DOCK8: variants seen among roughly 807,000 people sequenced by gnomAD.
DOCK8 encodes dedicator of cytokinesis 8.
In DOCK8, 141 loss-of-function variants were observed where a neutral mutation model predicts 245.6. The ratio of observed to expected loss-of-function variants is 0.57; its 90% CI spans 0.50 to 0.66. DOCK8 has a LOEUF of 0.66. DOCK8 is among the 30% of genes least tolerant of loss of function. DOCK8 has a pLI of 0.00. For missense variants in DOCK8, 2,965 were observed against 2,603.4 expected, an observed-to-expected ratio of 1.14 and a Z score of -3.02; for synonymous variants, 1,168 against 970.2, an observed-to-expected ratio of 1.20 and a Z score of -3.79.
rs7031188 is a variant in DOCK8, at chr9:446,198, G to C, written c.5581-172G>C. 3.6e-3 allele frequency among the ~76,000 whole-genome samples: 548 copies of C among 152,302 alleles called. 2 individuals are homozygous for C. Among genetic ancestry groups the C allele is most frequent in the African/African-American group, 0.013 (523 of 41,576 alleles). ...CCTCCTTGCAGCCCCTTCTGTCCTT[G>C]GGGGTGGAGAGGAGGAACTTCTGCT... On this transcript the variant is annotated intron_variant, in intron 43 of 47. Coordinates refer to ENST00000432829, the MANE Select transcript of DOCK8 (RefSeq NM_203447.4).
At chr9:360,275 C>T (rs1005495564) in intron 14 of DOCK8, among the ~76,000 whole-genome samples, 3 of 150,664 alleles carry the variant, frequency 2.0e-5, no homozygotes, top group Non-Finnish European at 2.9e-5. Flanking sequence ...GAGATCATGC[C>T]ACTGCACTCC....
intron 8 of DOCK8, among the ~76,000 whole-genome samples, chr9:327,216 A>G (rs1263914353): frequency 5.9e-5 from 9 of 152,020 alleles, no homozygotes; most frequent in African/African-American, 1.9e-4. Flanking sequence ...ACCCCTGCCT[A>G]TCAGAATCTT....
intron 1 of DOCK8, among the ~76,000 whole-genome samples, chr9:243,423 G>A (rs1450912040): frequency 6.6e-6 from 1 of 152,168 alleles, no homozygotes; most frequent in African/African-American, 2.4e-5. Flanking sequence ...GTGCGCTGCT[G>A]ATCAGACTTG....
chr9:428,412 G>A lies in DOCK8; in HGVS notation c.4389G>A (p.Arg1463=), dbSNP rs755620505. 1 of 1,614,158 alleles carries A rather than the reference G, an allele frequency of 6.2e-7. No homozygotes were observed. The highest frequency in any genetic ancestry group is 1.1e-5 in the South Asian group (1 of 91,082). The part of the protein sequence containing the change: ...CKDSLLGGVL[R]VLVNSLNCDQ... ...ACAGCCTGCTGGGAGGTGTTCTGAG[G>A]GTGCTGGTGAATTCTCTGAACTGTG... The change falls in exon 35 of 48, where the codon AGG becomes AGA. Residue 1463 remains arginine, a synonymous_variant. Transcript: ENST00000432829.
At chr9:235,623 C>T (rs2047225942) in intron 1 of DOCK8, among the ~76,000 whole-genome samples, 1 of 152,226 alleles carries the variant, frequency 6.6e-6, no homozygotes, top group East Asian at 1.9e-4. Flanking sequence ...CTCCCCAAGC[C>T]TCGCTGCCGC....
chr9:219,641 A>G (rs1316862711), intron 1 of DOCK8, among the ~76,000 whole-genome samples: 1 of 152,188 alleles, frequency 6.6e-6, no homozygotes, highest in East Asian at 1.9e-4. Flanking sequence ...TCACACCTGT[A>G]ACCCTAGCAC....
intron 15 of DOCK8, chr9:369,469 GC>G (rs1442779797): frequency 2.6e-5 from 4 of 152,350 alleles, no homozygotes; most frequent in African/African-American, 9.6e-5. Context: ...TGTTCATAAT[GC>G]ATCCTAAATG....
chr9:351,457 G>T (rs545908875), intron 14 of DOCK8, among the ~76,000 whole-genome samples: 2 of 152,346 alleles, frequency 1.3e-5, no homozygotes, highest in African/African-American at 4.8e-5. Context: ...GATTCTTTCA[G>T]ATGCCACAAA....
intron 20 of DOCK8, 114 bp from the exon 21 acceptor site, chr9:379,657 C>A: frequency 8.7e-7 from 1 of 1,154,648 alleles, no homozygotes; most frequent in Non-Finnish European, 1.3e-6. Context: ...CCTTCCCAGG[C>A]CTAGTTAAAT....
intron 12 of DOCK8, among the ~76,000 whole-genome samples, 176 bp downstream of exon 12, chr9:336,894 G>A (rs1023640364): frequency 1.3e-5 from 2 of 152,116 alleles, no homozygotes; most frequent in African/African-American, 4.8e-5. Context: ...AAAAAGAAAA[G>A]GGATTTGTTT....
intron 14 of DOCK8, among the ~76,000 whole-genome samples, chr9:360,089 G>A (rs1341063380): frequency 6.6e-6 from 1 of 152,014 alleles, no homozygotes; most frequent in Admixed American, 6.5e-5. Flanking sequence ...GCCGAGGCGG[G>A]CGGATCACTT....
chr9:332,618 G>T, intron 10 of DOCK8, 140 bp downstream of exon 10: 3 of 315,646 alleles, frequency 9.5e-6, no homozygotes, highest in Non-Finnish European at 1.8e-5. Context: ...TTAAATAAAA[G>T]AGGAAAAGAA....
chr9:334,387 A>C lies in DOCK8; in HGVS notation c.1285+3A>C. The C allele has an allele frequency of 6.2e-7, 1 of 1,612,038 alleles. No individual in the cohort carries two copies. Among genetic ancestry groups the C allele is most frequent in the Non-Finnish European group, 8.5e-7 (1 of 1,178,406 alleles). ...AACTGATGTGGACTCTGTGGTTGGT[A>C]AGATTTTCACCTGCAGTGGGAAAGG... is the stretch of plus-strand genomic sequence containing the variant. On this transcript the variant is annotated splice_donor_region_variant and intron_variant, in intron 11 of 47. Coordinates refer to ENST00000432829, the MANE Select transcript of DOCK8 (RefSeq NM_203447.4).
Position 439,278 on chromosome 9 carries a change from G to A in DOCK8, c.5113G>A (p.Val1705Ile). 1 of 1,614,170 alleles carries A rather than the reference G, an allele frequency of 6.2e-7. No homozygotes were observed. Among genetic ancestry groups the A allele is most frequent in the Middle Eastern group, 1.6e-4 (1 of 6,062 alleles). Residue 1705 changes from valine (V) to isoleucine (I), a missense_variant, in exon 40 of 48, where the codon GTC becomes ATC. Val to Ile is a conservative substitution (Grantham distance 29, BLOSUM62 3). Transcript: ENST00000432829. ...ISSNVLEESV[V>I]SEDTLSPDED... ...TTCCAATGTGCTGGAGGAGTCTGTG[G>A]TCTCTGAGGACACCCTGTCACCTGA...
chr9:216,537 C>CAAAAAAAAAAAAAAAAAAAAAAAA (rs59529982), intron 1 of DOCK8, among the ~76,000 whole-genome samples: 8 of 88,920 alleles, frequency 9.0e-5, no homozygotes, highest in Admixed American at 1.3e-4. Context: ...AAAAAACAGA[C>CAAAAAAAAAAAAAAAAAAAAAAAA]AAAAAAAAAA....
chr9:333,277 C>A (rs941007401), intron 10 of DOCK8, among the ~76,000 whole-genome samples: 2 of 152,208 alleles, frequency 1.3e-5, no homozygotes, highest in Admixed American at 6.5e-5. Context: ...TTCTCAACAG[C>A]AATTTGCAAA....
chr9:360,116 C>G (rs1420379577), intron 14 of DOCK8, among the ~76,000 whole-genome samples: 6 of 151,702 alleles, frequency 4.0e-5, no homozygotes, highest in Non-Finnish European at 8.8e-5. Context: ...AGGAGTTCGA[C>G]ACCAGCCTGG....
At position 325,702 on chromosome 9, in the gene DOCK8, A is replaced by G. The variant is rs2050737021; in HGVS notation, c.859A>G (p.Ser287Gly). ...GATTGAAATTGAGCCCCTGTTTGCC[A>G]GCATTGCCCTCTACGATGTTAAAGA... Reference protein sequence around the residue: ...FEIEIEPLFASIALYDVKERK... With the variant: ...FEIEIEPLFAGIALYDVKERK... Residue 287 changes from serine (S) to glycine (G), a missense_variant, in exon 8 of 48, where the codon AGC (serine) becomes GGC (glycine). Coordinates refer to ENST00000432829, the MANE Select transcript of DOCK8 (RefSeq NM_203447.4). 3 of 1,614,152 alleles carry G rather than the reference A, an allele frequency of 1.9e-6. No homozygotes were observed. Among genetic ancestry groups the G allele is most frequent in the Non-Finnish European group, 2.5e-6 (3 of 1,179,978 alleles).
At position 336,649 on chromosome 9, in the gene DOCK8, C is replaced by T. The variant is rs1586733987; in HGVS notation, c.1353C>T (p.Ser451=). The change falls in exon 12 of 48, where the codon TCC becomes TCT. Residue 451 remains serine, a synonymous_variant. Transcript: ENST00000432829. ...GAAGGCTTTCTGAAAGAGCCCTCTCCTTGGAGGAAAATGGGGTTGGATCCA... is the reference window on the plus strand; with the variant it reads ...GAAGGCTTTCTGAAAGAGCCCTCTCTTTGGAGGAAAATGGGGTTGGATCCA... ...QSRRLSERAL[S]LEENGVGSNF... The T allele has an allele frequency of 1.2e-6, 2 of 1,614,166 alleles. No individual in the cohort carries two copies. The highest frequency in any genetic ancestry group is 1.7e-6 in the Non-Finnish European group (2 of 1,180,028).
Sources: gnomAD v4.1 joint callset for allele counts (sites outside exome capture counted in the v4.1 genomes callset) on GRCh38, gnomAD v4.1.1 for gene constraint, MANE v1.5 for transcripts, NCBI Gene and HGNC (gene_info 2026-07-23, HGNC 2026-07-21) for gene names.